PXDN: variants seen among roughly 807,000 people sequenced by gnomAD.
The protein encoded by PXDN is peroxidasin homolog.
A neutral mutation model predicts 140.3 loss-of-function variants in PXDN; 77 were observed. The observed-to-expected ratio is 0.55, with a 90% CI of 0.46 to 0.66. The LOEUF (loss-of-function observed/expected upper bound fraction) is 0.66, where lower values mean the gene tolerates loss of function less well. PXDN is among the 30% of genes least tolerant of loss of function. The pLI, the probability that PXDN is intolerant of heterozygous loss-of-function variation, is 0.00. For missense variants in PXDN, 1,838 were observed against 2,039.5 expected (o/e 0.90, Z 1.90); for synonymous variants, 911 against 857.4 (o/e 1.06, Z -1.09).
intron 12 of PXDN, 85 bp downstream of exon 12, chr2:1,663,520 A>C (rs1267717160): frequency 1.3e-6 from 2 of 1,534,362 alleles, no homozygotes; most frequent in Non-Finnish European, 8.9e-7. Flanking sequence ...AACGAAGAGT[A>C]ACACTAATGT....
upstream of PXDN, chr2:1,744,722 A>G: frequency 3.4e-6 from 1 of 294,930 alleles, no homozygotes; most frequent in Non-Finnish European, 6.2e-6. Flanking sequence ...CGCGGAGGAG[A>G]GCATTGGCAC....
At chr2:1,642,062 A>G (rs2125405886) in intron 19 of PXDN, among the ~76,000 whole-genome samples, 1 of 152,340 alleles carries the variant, frequency 6.6e-6, no homozygotes, top group African/African-American at 2.4e-5. Flanking sequence ...AATAACAAGC[A>G]TGTAAATAAT....
In PXDN at chr2:1,662,199, T is replaced by C. The variant is rs1683321928; in HGVS notation, c.1568-15A>G. ...CACTGGGGTGACTGGAAGGCAGATGTAGAGAATCCAGGAGAACGAGTCAAT... is the reference window on the plus strand; with the variant it reads ...CACTGGGGTGACTGGAAGGCAGATGCAGAGAATCCAGGAGAACGAGTCAAT... On this transcript the variant is annotated splice_polypyrimidine_tract_variant and intron_variant, in intron 12 of 22. Transcript: ENST00000252804. The C allele has an allele frequency of 1.3e-6, 2 of 1,567,770 alleles. No individual in the cohort carries two copies. Among genetic ancestry groups the C allele is most frequent in the East Asian group, 4.7e-5 (2 of 42,862 alleles).
At chr2:1,634,887 G>A (rs1343415652) in intron 22 of PXDN, among the ~76,000 whole-genome samples, 3 of 152,192 alleles carry the variant, frequency 2.0e-5, no homozygotes, top group South Asian at 2.1e-4. Context: ...ACGGAGCCTG[G>A]TTCCAGCCAG....
chr2:1,736,615 T>C (rs1685428672), intron 1 of PXDN, among the ~76,000 whole-genome samples: 1 of 151,214 alleles, frequency 6.6e-6, no homozygotes, highest in Non-Finnish European at 1.5e-5. Context: ...AAGCCAGGAG[T>C]TGAAGACCAG....
chr2:1,659,789 A>C (rs546630144), intron 14 of PXDN, among the ~76,000 whole-genome samples: 5 of 152,346 alleles, frequency 3.3e-5, no homozygotes, highest in African/African-American at 4.8e-5. Context: ...AGGTCACTTA[A>C]GACTTTTCCT....
intron 7 of PXDN, 55 bp downstream of exon 7, chr2:1,680,136 GGT>G (rs1220977315): frequency 4.7e-6 from 7 of 1,477,892 alleles, no homozygotes; most frequent in East Asian, 2.5e-5. Context: ...GTGTGTGGAT[GGT>G]GTGTGTGTAG....
intron 13 of PXDN, among the ~76,000 whole-genome samples, chr2:1,661,615 C>T (rs554665961): frequency 1.1e-4 from 17 of 152,088 alleles, no homozygotes; most frequent in Non-Finnish European, 2.1e-4. Context: ...CCTGTGCTCC[C>T]GGGAGGGAAT....
chr2:1,674,997 C>A (rs550415992), intron 8 of PXDN, among the ~76,000 whole-genome samples: 3 of 152,184 alleles, frequency 2.0e-5, no homozygotes, highest in Non-Finnish European at 2.9e-5. Flanking sequence ...GCCAAACCGT[C>A]GGGAACACTC....
chr2:1,726,966 AC>A (rs1250799976), intron 1 of PXDN, among the ~76,000 whole-genome samples: 1 of 152,198 alleles, frequency 6.6e-6, no homozygotes, highest in Non-Finnish European at 1.5e-5. Flanking sequence ...GGGCACACTC[AC>A]GGATCATGTC....
intron 21 of PXDN, among the ~76,000 whole-genome samples, chr2:1,637,965 C>G (rs1369211907): frequency 1.3e-5 from 2 of 151,540 alleles, no homozygotes; most frequent in Non-Finnish European, 2.9e-5. Flanking sequence ...GGTCTCAAGG[C>G]TGCAGAGGCA....
intron 17 of PXDN, among the ~76,000 whole-genome samples, chr2:1,647,750 C>T (rs537135147): frequency 2.6e-5 from 4 of 152,380 alleles, no homozygotes; most frequent in African/African-American, 9.6e-5. Flanking sequence ...CTCTGCCTCT[C>T]TCTCTGCCCC....
At chr2:1,679,886 CTA>C (rs1683841088) in intron 7 of PXDN, among the ~76,000 whole-genome samples, 1 of 106,778 alleles carries the variant, frequency 9.4e-6, no homozygotes, top group South Asian at 2.9e-4. Context: ...ATGTGTGTGT[CTA>C]TAAATGGTGT....
At chr2:1,721,562 T>C (rs778441727) in intron 1 of PXDN, among the ~76,000 whole-genome samples, 5 of 152,084 alleles carry the variant, frequency 3.3e-5, no homozygotes, top group East Asian at 1.9e-4. Flanking sequence ...ATTGGCCGGG[T>C]GCGGTGGCTC....
rs536224649 is a variant in PXDN, at chr2:1,683,554, T to C, written c.560+102A>G. ...TATTCTCATTCTTTCAGAATCAGATTGTTATCAACATTTCACAATACTTGA... is the reference window on the plus strand; with the variant it reads ...TATTCTCATTCTTTCAGAATCAGATCGTTATCAACATTTCACAATACTTGA... On this transcript the variant is annotated intron_variant, in intron 6 of 22. Coordinates refer to ENST00000252804, the MANE Select transcript of PXDN (RefSeq NM_012293.3). 4.9e-3 allele frequency: 2,288 copies of C among 471,296 alleles called. 6 individuals are homozygous for C. Among genetic ancestry groups the C allele is most frequent in the Non-Finnish European group, 6.7e-3 (2,085 of 311,364 alleles). The allele number at this position is 471,296 out of a possible 1,614,324, so 29.2% of individuals were successfully genotyped here.
rs191238040 is a variant in PXDN, at chr2:1,682,275, T to C, written c.560+1381A>G. The stretch of plus-strand genomic sequence containing the variant: ...TTTCTCCTCTCTGTTATCTATCAAA[T>C]ATGGAAGTATTCATCCCATCTTCCT... On this transcript the variant is annotated intron_variant, in intron 6 of 22. Transcript: ENST00000252804. Among the ~76,000 whole-genome samples the C allele has an allele frequency of 6.6e-5, 10 of 152,276 alleles. No individual in the cohort carries two copies. In the East Asian group the frequency reaches 1.9e-3, roughly 29 times the overall value.
At position 1,685,162 on chromosome 2, in the gene PXDN, G is replaced by A. The variant is rs537366071; in HGVS notation, c.417-1011C>T. Among the ~76,000 whole-genome samples the A allele has an allele frequency of 1.2e-4, 19 of 152,336 alleles. No individual in the cohort carries two copies. The highest frequency in any genetic ancestry group is 3.4e-3 in the Middle Eastern group (1 of 294). On this transcript the variant is annotated intron_variant, in intron 4 of 22. Transcript: ENST00000252804. This position sits in a 1 kb window ranked among gnomAD's most constrained non-coding sequence, Gnocchi z 5.1. ...CGTCCCGGGGCCAGCTCCCCAGGCAGCACCCACACAGGCCACACTGAGTCT... is the reference window on the plus strand; with the variant it reads ...CGTCCCGGGGCCAGCTCCCCAGGCAACACCCACACAGGCCACACTGAGTCT...
chr2:1,680,130 GTGGA>G, intron 7 of PXDN, 59 bp downstream of exon 7: 2 of 1,472,530 alleles, frequency 1.4e-6, no homozygotes, highest in Non-Finnish European at 1.8e-6. Context: ...TGGTGTGTGT[GTGGA>G]TGGTGTGTGT....
chr2:1,679,342 G>C (rs887834290), intron 7 of PXDN, among the ~76,000 whole-genome samples: 2 of 150,472 alleles, frequency 1.3e-5, no homozygotes, highest in African/African-American at 4.9e-5. Flanking sequence ...TAAATGGTGT[G>C]TGTGTGTATG....
Sources: gnomAD v4.1 joint callset for allele counts (sites outside exome capture counted in the v4.1 genomes callset) on GRCh38, gnomAD v4.1.1 for gene constraint, Gnocchi (gnomAD v3.1) non-coding constraint, MANE v1.5 for transcripts, NCBI Gene and HGNC (gene_info 2026-07-23, HGNC 2026-07-21) for gene names.